The following ANGPT2 variants were observed in gnomAD, a reference collection of about 807,000 sequenced individuals.
ANGPT2 encodes the protein angiopoietin-2.
ANGPT2 carries 28 observed loss-of-function variants against 62.9 expected under a neutral mutation model. That is an observed-to-expected ratio of 0.44 (90% CI 0.33 to 0.61). The LOEUF (loss-of-function observed/expected upper bound fraction) is 0.61. ANGPT2 is among the 20% of genes least tolerant of loss of function. The pLI is 0.03. For synonymous variants in ANGPT2, 284 were observed against 207.8 expected, an observed-to-expected ratio of 1.37 and a Z score of -3.15; for missense variants, 727 against 594.9, an observed-to-expected ratio of 1.22 and a Z score of -2.31.
chr8:6,515,428 A>C (rs928213493), intron 5 of ANGPT2, among the ~76,000 whole-genome samples: 1 of 152,190 alleles, frequency 6.6e-6, no homozygotes, highest in Non-Finnish European at 1.5e-5. Flanking sequence ...CTTGGCCTCA[A>C]GGGCATGACT....
At chr8:6,529,270 T>A (rs1001347745) in intron 2 of ANGPT2, among the ~76,000 whole-genome samples, 1 of 152,168 alleles carries the variant, frequency 6.6e-6, no homozygotes, top group Non-Finnish European at 1.5e-5. Context: ...CAGCCACCCA[T>A]TGTTGCTCAA....
chr8:6,519,898 G>A lies in ANGPT2; in HGVS notation c.893C>T (p.Thr298Met), dbSNP rs61733318. ...KSGHTTNGIY[T>M]LTFPNSTEEI... ...TTCTGTAGAATTAGGGAATGTTAAC[G>A]TGTAGATGCCATTCGTGGTGTGTCC... The change falls in exon 5 of 9, where the codon ACG becomes ATG. Residue 298 changes from threonine (T) to methionine (M), a missense_variant. Physicochemically the swap from Thr to Met is moderately conservative, Grantham distance 81. Coordinates refer to ENST00000629816, the MANE Select transcript of ANGPT2 (RefSeq NM_001118887.2). 166 of 1,614,072 alleles carry A rather than the reference G, an allele frequency of 1.0e-4. No homozygotes were observed. The African/African-American group carries it at 1.6e-3, about 16-fold the overall frequency.
chr8:6,518,887 C>G (rs1816794946), intron 5 of ANGPT2, among the ~76,000 whole-genome samples: 1 of 152,048 alleles, frequency 6.6e-6, no homozygotes, highest in African/African-American at 2.4e-5. Flanking sequence ...TAAGAGAAGC[C>G]ACATTGAAAT....
chr8:6,503,065 A>G lies in ANGPT2; in HGVS notation c.*36T>C. ...GTGCACTGGGCTTAAGTCTTTGAAA[A>G]TAGTTCGAGACAGTTCCTCAGGTGG... On this transcript the variant is annotated 3_prime_UTR_variant, in exon 9 of 9. Coordinates refer to ENST00000629816, the MANE Select transcript of ANGPT2 (RefSeq NM_001118887.2). 2 of 1,612,472 alleles carry G rather than the reference A, an allele frequency of 1.2e-6. No individual in the cohort carries two copies. Among genetic ancestry groups the G allele is most frequent in the Non-Finnish European group, 1.7e-6 (2 of 1,179,120 alleles).
intron 8 of ANGPT2, among the ~76,000 whole-genome samples, chr8:6,507,373 C>T (rs1813958882): frequency 6.6e-6 from 1 of 152,120 alleles, no homozygotes; most frequent in South Asian, 2.1e-4. Context: ...TAAACCCTGC[C>T]AATTTTCCTG....
chr8:6,520,210 T>C (rs1436007096), intron 4 of ANGPT2, among the ~76,000 whole-genome samples: 1 of 152,262 alleles, frequency 6.6e-6, no homozygotes, highest in East Asian at 1.9e-4. Flanking sequence ...ATTAATTCCA[T>C]GTAATTAAAA....
intron 1 of ANGPT2, among the ~76,000 whole-genome samples, chr8:6,555,050 A>C (rs1824347976): frequency 6.6e-6 from 1 of 152,126 alleles, no homozygotes. Context: ...ACCACACATA[A>C]AACAGTCATT....
rs761570329 is a variant in ANGPT2, at chr8:6,501,553, CTTT to C, written c.*1545_*1547del. The C allele has an allele frequency of 2.3e-5, 3 of 128,038 alleles. No homozygotes were observed. Among genetic ancestry groups the C allele is most frequent in the Admixed American group, 7.8e-5 (1 of 12,754 alleles). 7.9% of individuals were successfully genotyped at this position (128,038 alleles called of 1,614,324 possible). ...TGTGTTCTCAAATTTTCTTTTCTTT[CTTT>C]TTTTTTTTTTTTTTTTGAGATGGAG... On this transcript the variant is annotated 3_prime_UTR_variant, in exon 9 of 9. Transcript: ENST00000629816.
At chr8:6,534,278 G>A (rs1167263749) in intron 1 of ANGPT2, among the ~76,000 whole-genome samples, 3 of 152,134 alleles carry the variant, frequency 2.0e-5, no homozygotes, top group Admixed American at 2.0e-4. Flanking sequence ...TATTTACATG[G>A]CATTGACATT....
intron 8 of ANGPT2, 122 bp from the exon 9 acceptor site, chr8:6,503,383 T>A: frequency 1.1e-6 from 1 of 938,430 alleles, no homozygotes. Flanking sequence ...CACATGCAGA[T>A]GATGGTGAGT....
intron 1 of ANGPT2, among the ~76,000 whole-genome samples, chr8:6,550,309 C>T (rs941065180): frequency 6.6e-6 from 1 of 152,160 alleles, no homozygotes; most frequent in Admixed American, 6.5e-5. Context: ...CTGCCTCTCC[C>T]TATGTGTGTG....
In ANGPT2 at chr8:6,502,456, G is replaced by C. The variant is rs1482378073; in HGVS notation, c.*645C>G. ...CCATATAAATTTGAAATACGTATTT[G>C]AGCATTAACTTATAACTAAGCTGTC... On this transcript the variant is annotated 3_prime_UTR_variant, in exon 9 of 9. Transcript: ENST00000629816. 2 of 152,120 alleles carry C rather than the reference G, an allele frequency of 1.3e-5. No individual in the cohort carries two copies. Among genetic ancestry groups the C allele is most frequent in the East Asian group, 1.9e-4 (1 of 5,194 alleles). The allele number at this position is 152,120 out of a possible 1,614,324, so 9.4% of individuals were successfully genotyped here.
intron 2 of ANGPT2, among the ~76,000 whole-genome samples, chr8:6,528,403 G>A (rs898148840): frequency 2.0e-5 from 3 of 151,800 alleles, no homozygotes; most frequent in African/African-American, 7.2e-5. Context: ...TCACTAGACA[G>A]AGAGATTGGA....
intron 1 of ANGPT2, among the ~76,000 whole-genome samples, chr8:6,557,147 T>C (rs1824753798): frequency 6.6e-6 from 1 of 152,184 alleles, no homozygotes; most frequent in African/African-American, 2.4e-5. Flanking sequence ...TCTGCAGTCT[T>C]CCCAGCCCCA....
chr8:6,562,678 A>G lies in ANGPT2; in HGVS notation c.257T>C (p.Ile86Thr), dbSNP rs769616632. 4 of 1,590,262 alleles carry G rather than the reference A, an allele frequency of 2.5e-6. No homozygotes were observed. The highest frequency in any genetic ancestry group is 2.7e-5 in the African/African-American group (2 of 73,370). ...TAGCCACTGAGTGTTGTTTTCCATGATGTTCTCCAGCACTTGCAGCCTCTG... is the reference window on the plus strand; with the variant it reads ...TAGCCACTGAGTGTTGTTTTCCATGGTGTTCTCCAGCACTTGCAGCCTCTG... ...SVQRLQVLEN[I>T]MENNTQWLMK... is the part of the protein sequence containing the mutation. Residue 86 changes from isoleucine to threonine, a missense_variant, in exon 1 of 9, where the codon ATC becomes ACC. By Grantham distance (89) the Ile-to-Thr change is moderately conservative. Coordinates refer to ENST00000629816, the MANE Select transcript of ANGPT2 (RefSeq NM_001118887.2).
chr8:6,505,334 GAAAGAA>G (rs1813250739), intron 8 of ANGPT2, among the ~76,000 whole-genome samples: 1 of 30,814 alleles, frequency 3.2e-5, no homozygotes, highest in African/African-American at 1.8e-4. Flanking sequence ...TATACATATA[GAAAGAA>G]TATATATATT....
intron 6 of ANGPT2, among the ~76,000 whole-genome samples, chr8:6,514,094 C>G (rs541517669): frequency 6.6e-6 from 1 of 152,160 alleles, no homozygotes; most frequent in Admixed American, 6.5e-5. Context: ...CCAGCAGAAG[C>G]CTTGGCATAA....
At chr8:6,537,071 C>G (rs1230443139) in intron 1 of ANGPT2, among the ~76,000 whole-genome samples, 1 of 151,980 alleles carries the variant, frequency 6.6e-6, no homozygotes, top group Non-Finnish European at 1.5e-5. Flanking sequence ...TCCCTGTCAT[C>G]TGCACCGAAC....
rs142073531 is a variant in ANGPT2 at position 6,560,512 on chromosome 8, C to G, written c.288+2135G>C. Among the ~76,000 whole-genome samples the G allele has an allele frequency of 6.8e-3, 1,039 of 152,268 alleles. 10 individuals carry two copies. Among genetic ancestry groups the G allele is most frequent in the South Asian group, 0.011 (53 of 4,818 alleles). On this transcript the variant is annotated intron_variant, in intron 1 of 8. Transcript: ENST00000629816. ...TTGTTTTCATTCCCAAGCCAGAAGC[C>G]GTAAACCGAGCGAGAGTGCAAATTG...
Sources: allele counts gnomAD v4.1 joint callset (sites outside exome capture counted in the v4.1 genomes callset), GRCh38; gene constraint gnomAD v4.1.1; transcripts MANE v1.5; gene names NCBI Gene and HGNC (gene_info 2026-07-23, HGNC 2026-07-21).